PITPNB: variants seen among roughly 807,000 people sequenced by gnomAD.
PITPNB encodes phosphatidylinositol transfer protein beta.
Under a neutral mutation model 45.9 loss-of-function variants are expected in PITPNB, and 16 were observed. The ratio of observed to expected loss-of-function variants is 0.35; its 90% confidence interval spans 0.24 to 0.53. The LOEUF (loss-of-function observed/expected upper bound fraction) is 0.53, where lower values mean the gene tolerates loss of function less well. PITPNB is among the 20% of genes least tolerant of loss of function. The pLI, the probability that PITPNB is intolerant of heterozygous loss-of-function variation, is 0.93. For synonymous variants in PITPNB, 112 were observed against 108.9 expected (o/e 1.03, Z -0.18); for missense variants, 188 against 330.5 (o/e 0.57, Z 3.34).
chr22:27,871,016 C>T (rs1349881788), intron 8 of PITPNB, among the ~76,000 whole-genome samples: 1 of 152,060 alleles, frequency 6.6e-6, no homozygotes, highest in Non-Finnish European at 1.5e-5. Context: ...CAACCAGCAC[C>T]CTATCAGCCT....
At chr22:27,899,507 T>C (rs1320428873) in intron 3 of PITPNB, among the ~76,000 whole-genome samples, 2 of 152,020 alleles carry the variant, frequency 1.3e-5, no homozygotes, top group South Asian at 4.2e-4. Context: ...GTATTTTTAG[T>C]AGAGACAGGG....
intron 11 of PITPNB, among the ~76,000 whole-genome samples, chr22:27,853,930 C>T (rs1443098393): frequency 8.6e-6 from 1 of 116,920 alleles, no homozygotes; most frequent in Non-Finnish European, 1.7e-5. Context: ...GTAACAATAA[C>T]TTAAATTTTT....
At chr22:27,897,712 A>G (rs1935475188) in intron 4 of PITPNB, 89 bp downstream of exon 4, 2 of 856,944 alleles carry the variant, frequency 2.3e-6, no homozygotes, top group East Asian at 2.4e-5. Context: ...GACCTTGCTC[A>G]GTGTAAACCT....
chr22:27,895,156 T>C (rs1306531390), intron 6 of PITPNB, among the ~76,000 whole-genome samples: 1 of 152,216 alleles, frequency 6.6e-6, no homozygotes, highest in African/African-American at 2.4e-5. Flanking sequence ...TGAAATGCCA[T>C]CTGTGAACTA....
At chr22:27,916,788 G>A (rs1459884615) in intron 1 of PITPNB, among the ~76,000 whole-genome samples, 1 of 151,814 alleles carries the variant, frequency 6.6e-6, no homozygotes, top group Non-Finnish European at 1.5e-5. Flanking sequence ...GGGCAACAGA[G>A]ACTCCGCCTC....
chr22:27,856,777 C>T (rs35701582), intron 10 of PITPNB, among the ~76,000 whole-genome samples: 2,790 of 152,298 alleles, frequency 0.018, 47 homozygotes, highest in South Asian at 0.049. Flanking sequence ...GTTCAGTGGA[C>T]ACCCACCAGC....
chr22:27,856,976 T>C (rs1934191988), intron 10 of PITPNB, among the ~76,000 whole-genome samples: 1 of 152,120 alleles, frequency 6.6e-6, no homozygotes. Context: ...GAGAGAGGCC[T>C]AGAAAGAAAG....
intron 5 of PITPNB, chr22:27,896,893 T>G (rs186482862): frequency 9.8e-6 from 6 of 612,072 alleles, no homozygotes; most frequent in Admixed American, 3.1e-5. Flanking sequence ...TAAACAAATA[T>G]GGCGTTTGAA....
At chr22:27,902,560 A>G (rs1460038028) in intron 3 of PITPNB, among the ~76,000 whole-genome samples, 1 of 152,266 alleles carries the variant, frequency 6.6e-6, no homozygotes, top group African/African-American at 2.4e-5. Context: ...CAAAATGGAT[A>G]AAGACTTAAA....
At position 27,919,162 on chromosome 22, in the gene PITPNB, AC is replaced by A; in HGVS notation, c.20+9del. The A allele has an allele frequency of 6.2e-7, 1 of 1,613,828 alleles. No homozygotes were observed. The highest frequency in any genetic ancestry group is 8.5e-7 in the Non-Finnish European group (1 of 1,179,864). The stretch of plus-strand genomic sequence containing the variant: ...CCCACGGCCTCGCTCGCGCCCACAG[AC>A]CCACTCACAATTCCTTGATCAGCAC... On this transcript the variant is annotated intron_variant, in intron 1 of 11. Transcript: ENST00000335272.
At position 27,896,558 on chromosome 22, in the gene PITPNB, T is replaced by C. The variant is rs757431598; in HGVS notation, c.366A>G (p.Leu122=). 1 of 1,605,572 alleles carries C rather than the reference T, an allele frequency of 6.2e-7. No individual in the cohort carries two copies. Among genetic ancestry groups the C allele is most frequent in the Admixed American group, 1.7e-5 (1 of 60,018 alleles). The change falls in exon 6 of 12, where the codon TTA becomes TTG. Residue 122 remains leucine, a synonymous_variant. Transcript: ENST00000335272. ...ETWHKPDLGT[L]ENVHGLDPNT... ...GTGCAGAGTTGAAACTTACATTTTC[T>C]AATGTTCCCAAGTCTGGTTTGTGCC...
In PITPNB at chr22:27,854,848, A is replaced by G; in HGVS notation, c.*38+6T>C. ...GAAACATCTTTTTACCCAGGTCTTC[A>G]CTTACACAGTTTGACATTGTCTCTG... On this transcript the variant is annotated splice_donor_region_variant and intron_variant, in intron 11 of 11. Coordinates refer to ENST00000335272, the MANE Select transcript of PITPNB (RefSeq NM_012399.5). 1 of 1,588,648 alleles carries G rather than the reference A, an allele frequency of 6.3e-7. No individual in the cohort carries two copies. The highest frequency in any genetic ancestry group is 8.6e-7 in the Non-Finnish European group (1 of 1,157,940).
chr22:27,865,784 T>TG (rs1934465791), intron 8 of PITPNB, among the ~76,000 whole-genome samples: 1 of 152,168 alleles, frequency 6.6e-6, no homozygotes, highest in African/African-American at 2.4e-5. Flanking sequence ...AGAAATACTA[T>TG]GTACAACAAA....
At chr22:27,899,929 G>A (rs2003690) in intron 3 of PITPNB, among the ~76,000 whole-genome samples, 5 of 152,230 alleles carry the variant, frequency 3.3e-5, no homozygotes, top group East Asian at 3.9e-4. Context: ...GAGGCCAGGC[G>A]TGGTGGCTCA....
chr22:27,893,632 C>T (rs1479901128), intron 7 of PITPNB, among the ~76,000 whole-genome samples: 1 of 146,716 alleles, frequency 6.8e-6, no homozygotes, highest in East Asian at 2.0e-4. Flanking sequence ...CTCTGTCACC[C>T]TGGCTGGGGT....
intron 7 of PITPNB, among the ~76,000 whole-genome samples, chr22:27,888,933 A>G (rs1462233564): frequency 6.6e-6 from 1 of 152,246 alleles, no homozygotes; most frequent in Non-Finnish European, 1.5e-5. Context: ...GGGAAGAATC[A>G]GTCAGTGATC....
intron 3 of PITPNB, among the ~76,000 whole-genome samples, chr22:27,900,183 T>C (rs1215184576): frequency 2.1e-5 from 3 of 145,854 alleles, no homozygotes; most frequent in East Asian, 2.0e-4. Flanking sequence ...ATGGGTGACA[T>C]AGCAAGACTC....
rs1277091291 is a variant in PITPNB at position 27,851,722 on chromosome 22, A to C, written c.*1980T>G. On this transcript the variant is annotated 3_prime_UTR_variant, in exon 12 of 12. Coordinates refer to ENST00000335272, the MANE Select transcript of PITPNB (RefSeq NM_012399.5). ...GTTTAAATTTCATTTACTTTGTTTT[A>C]CTGTAATTTACACAAGAGACTGGCA... 2 of 152,172 alleles carry C rather than the reference A, an allele frequency of 1.3e-5. No homozygotes were observed. Among genetic ancestry groups the C allele is most frequent in the African/African-American group, 2.4e-5 (1 of 41,436 alleles). The allele number at this position is 152,172 out of a possible 1,614,324, so 9.4% of individuals were successfully genotyped here. A position where few individuals can be genotyped will look rare whatever the true frequency, so the allele number is the denominator to read the frequency against.
intron 6 of PITPNB, among the ~76,000 whole-genome samples, chr22:27,896,064 T>C (rs112765678): frequency 6.6e-6 from 1 of 152,254 alleles, no homozygotes; most frequent in Non-Finnish European, 1.5e-5. Context: ...AACCAACTTA[T>C]ATAAGTCAAC....
Sources: gnomAD v4.1 joint callset for allele counts (sites outside exome capture counted in the v4.1 genomes callset) on GRCh38, gnomAD v4.1.1 for gene constraint, MANE v1.5 for transcripts, NCBI Gene and HGNC (gene_info 2026-07-23, HGNC 2026-07-21) for gene names.